Variants in RGS9 observed in about 807,000 individuals in gnomAD.
RGS9 encodes the protein regulator of G protein signaling 9.
In RGS9, 78 loss-of-function variants were observed where a neutral mutation model predicts 102.0. The observed-to-expected ratio is 0.76, with a 90% confidence interval of 0.64 to 0.92. The LOEUF is 0.92. RGS9 is among the 40% of genes least tolerant of loss of function. RGS9 has a pLI of 0.00. For synonymous variants in RGS9, 353 were observed against 318.6 expected (o/e 1.11, Z -1.15); for missense variants, 833 against 866.1 (o/e 0.96, Z 0.48).
intron 17 of RGS9, among the ~76,000 whole-genome samples, chr17:65,214,163 A>G (rs1369003255): frequency 6.6e-6 from 1 of 152,122 alleles, no homozygotes. Flanking sequence ...GGGTTTCGCC[A>G]TGTTGACCAG....
chr17:65,199,097 G>A (rs554499363), intron 13 of RGS9, among the ~76,000 whole-genome samples: 1 of 152,218 alleles, frequency 6.6e-6, no homozygotes, highest in South Asian at 2.1e-4. Flanking sequence ...GGTATGAACA[G>A]GGCAGATAAA....
At chr17:65,158,185 G>A (rs1598568896) in intron 2 of RGS9, 110 bp from the exon 3 acceptor site, 2 of 992,510 alleles carry the variant, frequency 2.0e-6, no homozygotes, top group East Asian at 2.4e-5. Flanking sequence ...TGAGCGAAGA[G>A]GAATGAAATC....
chr17:65,215,227 G>A (rs796843820), intron 17 of RGS9, among the ~76,000 whole-genome samples: 31 of 152,274 alleles, frequency 2.0e-4, no homozygotes, highest in African/African-American at 7.0e-4. Flanking sequence ...AAAGAAGAGA[G>A]ATGCTGGAGG....
At chr17:65,221,773 A>T (rs988574972) in intron 17 of RGS9, among the ~76,000 whole-genome samples, 2 of 152,242 alleles carry the variant, frequency 1.3e-5, no homozygotes, top group Non-Finnish European at 2.9e-5. Context: ...TGTGGTTCAT[A>T]GATGGAGTCT....
At position 65,199,375 on chromosome 17, in the gene RGS9, C is replaced by CAAG. The variant is rs370419117; in HGVS notation, c.976+2136_976+2138dup. On this transcript the variant is annotated intron_variant, in intron 13 of 18. Coordinates refer to ENST00000262406, the MANE Select transcript of RGS9 (RefSeq NM_003835.4). ...TTCTACCCCTACGGATTCACCTCTTCAAGACATTTCATGTAAACGAAATCA... is the reference window on the plus strand; with the variant it reads ...TTCTACCCCTACGGATTCACCTCTTCAAGAAGACATTTCATGTAAACGAAATCA... Among the ~76,000 whole-genome samples, 9 of 151,922 alleles carry CAAG rather than the reference C, an allele frequency of 5.9e-5. No homozygotes were observed. The East Asian group carries it at 1.7e-3, about 29-fold the overall frequency.
chr17:65,177,734 T>C lies in RGS9; in HGVS notation c.585T>C (p.Pro195=). 6.2e-7 allele frequency: 1 copy of C among 1,613,970 alleles called. No homozygotes were observed. The highest frequency in any genetic ancestry group is 8.5e-7 in the Non-Finnish European group (1 of 1,179,802). The change falls in exon 9 of 19, where the codon CCT becomes CCC. Residue 195 remains proline (P), a splice_region_variant and synonymous_variant. Coordinates refer to ENST00000262406, the MANE Select transcript of RGS9 (RefSeq NM_003835.4). ...TATGTTGTTTTTATTCCATTTAGCC[T>C]GGAATGGACAATGTGCTGGACTACG... ...KAYWLVHRCP[P]GMDNVLDYGL...
intron 1 of RGS9, among the ~76,000 whole-genome samples, chr17:65,148,773 C>T (rs1407064929): frequency 6.6e-6 from 1 of 152,154 alleles, no homozygotes; most frequent in Non-Finnish European, 1.5e-5. Flanking sequence ...GTTTCAAACT[C>T]CTGGGCTCGA....
intron 9 of RGS9, among the ~76,000 whole-genome samples, chr17:65,188,161 G>A (rs1304103892): frequency 6.6e-6 from 1 of 152,032 alleles, no homozygotes; most frequent in Non-Finnish European, 1.5e-5. Flanking sequence ...AAGTGGTGCA[G>A]AGGAAGCACG....
At chr17:65,161,340 C>T (rs1460267197) in intron 6 of RGS9, among the ~76,000 whole-genome samples, 1 of 152,234 alleles carries the variant, frequency 6.6e-6, no homozygotes, top group Non-Finnish European at 1.5e-5. Flanking sequence ...CAACCTCCAC[C>T]TTCCAGGTTC....
intron 9 of RGS9, among the ~76,000 whole-genome samples, chr17:65,183,994 C>T (rs773854300): frequency 5.9e-5 from 9 of 152,168 alleles, no homozygotes; most frequent in South Asian, 2.1e-4. Context: ...GCAGAGCATC[C>T]GGAGATTCCT....
chr17:65,169,588 G>A (rs1052806294), intron 8 of RGS9, among the ~76,000 whole-genome samples: 1 of 152,242 alleles, frequency 6.6e-6, no homozygotes, highest in Non-Finnish European at 1.5e-5. Flanking sequence ...GGTAGGTAAA[G>A]AACGGCTTCT....
At chr17:65,154,930 G>A (rs748955354) in intron 2 of RGS9, among the ~76,000 whole-genome samples, 1 of 152,178 alleles carries the variant, frequency 6.6e-6, no homozygotes, top group Non-Finnish European at 1.5e-5. Flanking sequence ...TCTTTGCAGA[G>A]ACAAGCTGGC....
chr17:65,172,392 C>T (rs368083715), intron 8 of RGS9, among the ~76,000 whole-genome samples: 8 of 151,770 alleles, frequency 5.3e-5, no homozygotes, highest in East Asian at 3.9e-4. Context: ...TTAGTAGAGA[C>T]GGCGGTTTCA....
At chr17:65,204,443 G>C in intron 15 of RGS9, 142 bp downstream of exon 15, 1 of 1,002,248 alleles carries the variant, frequency 1.0e-6, no homozygotes. Context: ...AAGCATGGGG[G>C]CTCATGTCTG....
intron 8 of RGS9, among the ~76,000 whole-genome samples, chr17:65,170,656 C>T (rs909724501): frequency 2.0e-5 from 3 of 152,070 alleles, no homozygotes; most frequent in Admixed American, 6.5e-5. Flanking sequence ...TCTAAGAAGC[C>T]GAATGCCTGG....
intron 11 of RGS9, among the ~76,000 whole-genome samples, chr17:65,191,130 A>C (rs973181456): frequency 6.6e-6 from 1 of 152,170 alleles, no homozygotes; most frequent in Non-Finnish European, 1.5e-5. Context: ...ATCCCAGCTG[A>C]GGAGGGCACC....
chr17:65,162,566 C>T (rs1911024324), intron 6 of RGS9, among the ~76,000 whole-genome samples: 1 of 151,888 alleles, frequency 6.6e-6, no homozygotes, highest in Non-Finnish European at 1.5e-5. Context: ...AGGTTCATGC[C>T]ATTCTCCTGC....
chr17:65,211,836 C>A (rs1350998487), intron 17 of RGS9, among the ~76,000 whole-genome samples: 1 of 152,192 alleles, frequency 6.6e-6, no homozygotes, highest in Non-Finnish European at 1.5e-5. Flanking sequence ...AGGACTGAGA[C>A]AAAATAATTA....
At chr17:65,182,734 T>G (rs1430254830) in intron 9 of RGS9, among the ~76,000 whole-genome samples, 1 of 152,136 alleles carries the variant, frequency 6.6e-6, no homozygotes, top group Non-Finnish European at 1.5e-5. Context: ...GCCTCCCTGA[T>G]CCAACCGCTG....
Sources: allele counts gnomAD v4.1 joint callset (sites outside exome capture counted in the v4.1 genomes callset), GRCh38; gene constraint gnomAD v4.1.1; transcripts MANE v1.5; gene names NCBI Gene and HGNC (gene_info 2026-07-23, HGNC 2026-07-21).